COL15A1: variants seen among roughly 807,000 people sequenced by gnomAD.
COL15A1 encodes the protein collagen type XV alpha 1 chain.
A neutral mutation model predicts 165.9 loss-of-function variants in COL15A1; 111 were observed. That is an observed-to-expected ratio of 0.67 (90% CI 0.57 to 0.78). The LOEUF is 0.78. COL15A1 is among the 30% of genes least tolerant of loss of function. The pLI is 0.00. For missense variants in COL15A1, 1,745 were observed against 1,789.7 expected (o/e 0.98, Z 0.45); for synonymous variants, 659 against 674.8 (o/e 0.98, Z 0.36).
At chr9:99,065,421 G>T (rs1825875324) in intron 39 of COL15A1, among the ~76,000 whole-genome samples, 1 of 152,136 alleles carries the variant, frequency 6.6e-6, no homozygotes, top group African/African-American at 2.4e-5. Flanking sequence ...GAAGACGGGG[G>T]GTGGGGGCAG....
chr9:99,030,533 T>C (rs1386162636), intron 16 of COL15A1, among the ~76,000 whole-genome samples: 2 of 152,202 alleles, frequency 1.3e-5, no homozygotes, highest in Non-Finnish European at 2.9e-5. Flanking sequence ...GTCAATGGAA[T>C]GGATTCAGAT....
intron 9 of COL15A1, among the ~76,000 whole-genome samples, chr9:99,013,815 C>A (rs79652426): frequency 0.01 from 1,568 of 152,168 alleles, 29 homozygotes; most frequent in African/African-American, 0.036. Context: ...TGCCTTTGTT[C>A]TGAATACTTT....
At chr9:98,994,374 C>T (rs375263626) in intron 5 of COL15A1, among the ~76,000 whole-genome samples, 29 of 152,256 alleles carry the variant, frequency 1.9e-4, no homozygotes, top group South Asian at 6.2e-4. Context: ...TTAGTTCCTG[C>T]GGTTCTGTTT....
intron 2 of COL15A1, among the ~76,000 whole-genome samples, chr9:98,971,110 C>T (rs1387820177): frequency 6.6e-6 from 1 of 152,152 alleles, no homozygotes; most frequent in African/African-American, 2.4e-5. Context: ...ATCCCCAGCC[C>T]TGGAAAATAC....
intron 39 of COL15A1, among the ~76,000 whole-genome samples, 161 bp downstream of exon 39, chr9:99,063,270 T>C (rs1825844851): frequency 1.3e-5 from 2 of 152,140 alleles, no homozygotes; most frequent in Non-Finnish European, 2.9e-5. Context: ...GTAAGTTGTT[T>C]GGGTGAACCA....
At chr9:98,954,397 A>G (rs1295577187) in intron 2 of COL15A1, among the ~76,000 whole-genome samples, 1 of 152,368 alleles carries the variant, frequency 6.6e-6, no homozygotes, top group African/African-American at 2.4e-5. Context: ...CACATAGATC[A>G]TAATATGAAC....
chr9:98,950,254 C>T (rs1397205730), intron 2 of COL15A1, among the ~76,000 whole-genome samples: 1 of 152,096 alleles, frequency 6.6e-6, no homozygotes, highest in East Asian at 1.9e-4. Flanking sequence ...GTATGACGAA[C>T]CCCCAAACTG....
In COL15A1 at chr9:99,044,595, C is replaced by G. The variant is rs944856194; in HGVS notation, c.2602C>G (p.Leu868Val). ...QGEKGEPGAI[L>V]TEDIPLERLM... Reference sequence around the variant, plus strand: ...CGAGAAGGGAGAGCCGGGTGCCATCCTGACAGAGGACATTCCTCTGGAAAG... The same window carrying G: ...CGAGAAGGGAGAGCCGGGTGCCATCGTGACAGAGGACATTCCTCTGGAAAG... Residue 868 changes from leucine (L) to valine (V), a missense_variant, in exon 25 of 42, where the codon CTG (leucine) becomes GTG (valine). Transcript: ENST00000375001. 3 of 1,614,000 alleles carry G rather than the reference C, an allele frequency of 1.9e-6. No individual in the cohort carries two copies. The African/African-American group carries it at 4.0e-5, about 22-fold the overall frequency.
intron 6 of COL15A1, chr9:98,997,820 C>G (rs933513883): frequency 1.2e-4 from 18 of 152,282 alleles, no homozygotes; most frequent in African/African-American, 4.3e-4. Context: ...TGCCCAAGCC[C>G]TGAGATCGCT....
chr9:99,029,558 A>C (rs1224434713), intron 16 of COL15A1, among the ~76,000 whole-genome samples: 1 of 152,214 alleles, frequency 6.6e-6, no homozygotes, highest in East Asian at 1.9e-4. Context: ...ATAGTTGCCT[A>C]ATTTCCTATT....
intron 6 of COL15A1, among the ~76,000 whole-genome samples, chr9:98,999,338 G>A (rs1474329143): frequency 6.8e-6 from 1 of 147,032 alleles, no homozygotes; most frequent in Non-Finnish European, 1.5e-5. Context: ...CTGTCATGGG[G>A]TGATAGTGGG....
Position 98,986,110 on chromosome 9 carries a change from ACTGTG to A in COL15A1, c.647_648+3del. On this transcript the variant is annotated splice_donor_variant and splice_donor_region_variant and coding_sequence_variant and intron_variant, in exon 3 of 42. Transcript: ENST00000375001. LOFTEE classifies it high-confidence loss of function. The stretch of plus-strand genomic sequence containing the variant: ...AGGAGCTACAGGGCTCGAGAGATTC[ACTGTG>A]AGTTAAAGTCCCACTCCAGGTAGAT... The A allele has an allele frequency of 6.2e-7, 1 of 1,610,978 alleles. No individual in the cohort carries two copies. The highest frequency in any genetic ancestry group is 8.5e-7 in the Non-Finnish European group (1 of 1,178,088).
chr9:99,023,926 AC>A (rs1274069272), intron 14 of COL15A1, among the ~76,000 whole-genome samples: 4 of 151,392 alleles, frequency 2.6e-5, no homozygotes, highest in Admixed American at 2.0e-4. Flanking sequence ...TCTCCAGGCT[AC>A]TCTTTCTCTT....
At chr9:98,946,636 G>C (rs951540100) in intron 2 of COL15A1, among the ~76,000 whole-genome samples, 1 of 152,168 alleles carries the variant, frequency 6.6e-6, no homozygotes, top group African/African-American at 2.4e-5. Context: ...CTTCTGGGCT[G>C]GTGCTGTTCC....
Position 99,040,561 on chromosome 9 carries a change from G to A in COL15A1, c.2511+5G>A. 6.2e-7 allele frequency: 1 copy of A among 1,614,166 alleles called. No individual in the cohort carries two copies. Among genetic ancestry groups the A allele is most frequent in the African/African-American group, 1.3e-5 (1 of 75,034 alleles). The stretch of plus-strand genomic sequence containing the variant: ...CCTGGGCTGCCAGGATTTCCAGTAA[G>A]TACCACCCTCGCTGTCTTCTATCTG... On this transcript the variant is annotated splice_donor_5th_base_variant and intron_variant, in intron 23 of 41. Coordinates refer to ENST00000375001, the MANE Select transcript of COL15A1 (RefSeq NM_001855.5).
chr9:99,038,053 G>T (rs1839333847), intron 21 of COL15A1, among the ~76,000 whole-genome samples: 1 of 151,972 alleles, frequency 6.6e-6, no homozygotes, highest in Non-Finnish European at 1.5e-5. Context: ...ACATCATGCT[G>T]GTAGACCACA....
chr9:99,023,681 G>A (rs1839065501), intron 14 of COL15A1, among the ~76,000 whole-genome samples: 1 of 152,044 alleles, frequency 6.6e-6, no homozygotes, highest in South Asian at 2.1e-4. Context: ...TTATCTTCAG[G>A]ACCTCCTCAC....
At chr9:99,000,307 T>C (rs1411025217) in intron 6 of COL15A1, among the ~76,000 whole-genome samples, 1 of 151,506 alleles carries the variant, frequency 6.6e-6, no homozygotes, top group Non-Finnish European at 1.5e-5. Context: ...TATATAAATA[T>C]ATAAGCACAT....
chr9:99,025,217 C>T (rs574698735), intron 15 of COL15A1, among the ~76,000 whole-genome samples: 1 of 152,324 alleles, frequency 6.6e-6, no homozygotes, highest in East Asian at 1.9e-4. Flanking sequence ...TGTTTTGCTG[C>T]TTTATCATAG....
Sources: allele counts gnomAD v4.1 joint callset (sites outside exome capture counted in the v4.1 genomes callset), GRCh38; gene constraint gnomAD v4.1.1; transcripts MANE v1.5; gene names NCBI Gene and HGNC (gene_info 2026-07-23, HGNC 2026-07-21).